Variants in CSTPP1 observed in about 807,000 individuals in gnomAD.
CSTPP1 encodes centriolar satellite-associated tubulin polyglutamylase complex regulator 1, also known as UPF0705 protein C11orf49.
At chr11:47,124,313 G>A in the CSTPP1 span, among the ~76,000 whole-genome samples, 1 of 151,174 alleles carries the variant, frequency 6.6e-6, no homozygotes, top group Non-Finnish European at 1.5e-5. Context: ...TAGTAGAGAC[G>A]GGGTTTCACC....
the CSTPP1 span, among the ~76,000 whole-genome samples, chr11:47,106,116 C>T: frequency 1.3e-5 from 2 of 152,270 alleles, no homozygotes; most frequent in South Asian, 2.1e-4. Flanking sequence ...TAAGCACACA[C>T]CTTGCATGAG....
the CSTPP1 span, among the ~76,000 whole-genome samples, chr11:46,943,984 GCACTC>G: frequency 2.0e-5 from 3 of 152,122 alleles, no homozygotes; most frequent in Non-Finnish European, 4.4e-5. Context: ...TCACACCACT[GCACTC>G]CAGCCTGGGT....
the CSTPP1 span, among the ~76,000 whole-genome samples, chr11:46,964,059 T>G: frequency 6.6e-6 from 1 of 152,046 alleles, no homozygotes; most frequent in African/African-American, 2.4e-5. Context: ...CTATCTGGTC[T>G]CGTTACCTTC....
At chr11:46,966,046 TTTTG>T in the CSTPP1 span, among the ~76,000 whole-genome samples, 2 of 152,134 alleles carry the variant, frequency 1.3e-5, no homozygotes, top group Non-Finnish European at 2.9e-5. Context: ...AAAGTCTTTT[TTTTG>T]TTTGTTTGTT....
At chr11:47,130,491 A>G in the CSTPP1 span, among the ~76,000 whole-genome samples, 1 of 152,214 alleles carries the variant, frequency 6.6e-6, no homozygotes, top group Non-Finnish European at 1.5e-5. Flanking sequence ...CAGTGCTGCC[A>G]GAGGAGATAA....
chr11:47,028,098 T>C, the CSTPP1 span, among the ~76,000 whole-genome samples: 1 of 152,076 alleles, frequency 6.6e-6, no homozygotes, highest in African/African-American at 2.4e-5. Context: ...TAATTTTTTG[T>C]ATTTTTAGTA....
chr11:47,023,507 T>C, the CSTPP1 span: 1 of 152,204 alleles, frequency 6.6e-6, no homozygotes, highest in East Asian at 1.9e-4. Context: ...ATTAAATACA[T>C]TCACATTGTT....
the CSTPP1 span, among the ~76,000 whole-genome samples, chr11:46,955,826 T>C: frequency 6.6e-6 from 1 of 151,856 alleles, no homozygotes; most frequent in African/African-American, 2.4e-5. Flanking sequence ...ACCCCGTCTC[T>C]ACTAAAAATA....
At chr11:47,079,897 C>G in the CSTPP1 span, among the ~76,000 whole-genome samples, 4 of 150,124 alleles carry the variant, frequency 2.7e-5, no homozygotes, top group Non-Finnish European at 5.9e-5. Flanking sequence ...AGTTCGAGAC[C>G]AGCCTGACCA....
At chr11:47,059,358 CT>C in the CSTPP1 span, among the ~76,000 whole-genome samples, 1 of 152,090 alleles carries the variant, frequency 6.6e-6, no homozygotes, top group Non-Finnish European at 1.5e-5. Flanking sequence ...ACCCCACCCC[CT>C]CTCTGCCAAA....
the CSTPP1 span, among the ~76,000 whole-genome samples, chr11:47,138,712 T>G: frequency 6.6e-6 from 1 of 152,088 alleles, no homozygotes; most frequent in African/African-American, 2.4e-5. Context: ...ACACGGTGGC[T>G]CACGCCTGTA....
the CSTPP1 span, among the ~76,000 whole-genome samples, chr11:46,992,955 T>C: frequency 7.1e-6 from 1 of 140,864 alleles, no homozygotes; most frequent in East Asian, 1.9e-4. Context: ...TGGTATCTCA[T>C]TGTGGTTTTG....
the CSTPP1 span, among the ~76,000 whole-genome samples, chr11:47,008,694 T>C: frequency 6.6e-6 from 1 of 152,132 alleles, no homozygotes; most frequent in East Asian, 1.9e-4. Flanking sequence ...AATTCTGCTA[T>C]GCTTATATTC....
At chr11:47,093,491 A>C in the CSTPP1 span, among the ~76,000 whole-genome samples, 1 of 152,216 alleles carries the variant, frequency 6.6e-6, no homozygotes. Context: ...GAGCACCACA[A>C]AGTCTTCGGC....
At chr11:47,055,896 G>C in the CSTPP1 span, among the ~76,000 whole-genome samples, 2 of 152,156 alleles carry the variant, frequency 1.3e-5, no homozygotes, top group Non-Finnish European at 2.9e-5. Flanking sequence ...TCAATTTTAA[G>C]TTAAGTAATT....
At chr11:47,049,193 C>T in the CSTPP1 span, among the ~76,000 whole-genome samples, 2 of 151,900 alleles carry the variant, frequency 1.3e-5, no homozygotes, top group African/African-American at 4.8e-5. Context: ...CACTATGTTG[C>T]CCAGGCTGGT....
At chr11:47,075,017 C>A in the CSTPP1 span, among the ~76,000 whole-genome samples, 17 of 152,258 alleles carry the variant, frequency 1.1e-4, no homozygotes, top group Admixed American at 7.9e-4. Flanking sequence ...TAGTTATAGA[C>A]CCTCTAGAAA....
the CSTPP1 span, among the ~76,000 whole-genome samples, chr11:47,162,793 A>G: frequency 6.6e-6 from 1 of 152,212 alleles, no homozygotes; most frequent in Non-Finnish European, 1.5e-5. Flanking sequence ...AGGCATACAC[A>G]TTTCCTTGGG....
the CSTPP1 span, among the ~76,000 whole-genome samples, chr11:46,964,051 A>G: frequency 1.3e-5 from 2 of 152,042 alleles, no homozygotes; most frequent in Non-Finnish European, 2.9e-5. Flanking sequence ...GCAGTTTTCT[A>G]TCTGGTCTCG....
Sources: gnomAD v4.1 joint callset for allele counts (sites outside exome capture counted in the v4.1 genomes callset) on GRCh38, gnomAD v4.1.1 for gene constraint, MANE v1.5 for transcripts, NCBI Gene and HGNC (gene_info 2026-07-23, HGNC 2026-07-21) for gene names.